Variants in TACC2 observed in about 807,000 individuals in gnomAD.
TACC2 encodes transforming acidic coiled-coil-containing protein 2.
A neutral mutation model predicts 227.3 loss-of-function variants in TACC2; 137 were observed. The observed-to-expected ratio is 0.60, with a 90% CI of 0.52 to 0.69. The LOEUF (loss-of-function observed/expected upper bound fraction) is 0.69. Ranked by LOEUF, TACC2 falls within the 30% of genes least tolerant of loss-of-function variation. TACC2 has a pLI of 0.00. For missense variants in TACC2, 3,470 were observed against 3,694.4 expected (o/e 0.94, Z 1.57); for synonymous variants, 1,523 against 1,487.5 (o/e 1.02, Z -0.55).
intron 11 of TACC2, among the ~76,000 whole-genome samples, chr10:122,217,817 G>A (rs541218433): frequency 3.9e-4 from 60 of 152,152 alleles, no homozygotes; most frequent in African/African-American, 1.4e-3. Context: ...TGACCTGTTG[G>A]TGCACCACGT....
intron 16 of TACC2, among the ~76,000 whole-genome samples, chr10:122,231,145 G>T (rs545198850): frequency 1.3e-5 from 2 of 152,208 alleles, no homozygotes; most frequent in Non-Finnish European, 2.9e-5. Flanking sequence ...GTATGACATT[G>T]ACAGGGCATG....
rs1189702146 is a variant in TACC2 at position 122,086,182 on chromosome 10, C to G, written c.3682C>G (p.Pro1228Ala). 1.2e-6 allele frequency: 2 copies of G among 1,613,676 alleles called. No individual in the cohort carries two copies. The highest frequency in any genetic ancestry group is 2.7e-5 in the African/African-American group (2 of 74,924). Residue 1228 changes from proline (P) to alanine (A), a missense_variant, in exon 4 of 23, where the codon CCA (proline) becomes GCA (alanine). By Grantham distance (27) the Pro-to-Ala change is conservative. Around this residue, in one of 10 missense-constraint regions of TACC2, gnomAD observed 1,924 missense variants for 1,978.3 expected, o/e 0.97. Transcript: ENST00000369005. Reference protein sequence around the residue: ...DPKELLLSGPPEVAAPDTPYL... With the variant: ...DPKELLLSGPAEVAAPDTPYL... The stretch of plus-strand genomic sequence containing the variant: ...AAAGGAGCTCCTGCTGTCTGGGCCA[C>G]CAGAAGTGGCTGCTCCTGACACCCC...
rs199695334 is a variant in TACC2, at chr10:122,059,571, T to C, written c.146+9021T>C. On this transcript the variant is annotated intron_variant, in intron 3 of 22. Coordinates refer to ENST00000369005, the MANE Select transcript of TACC2 (RefSeq NM_206862.4). ...CTCCTGTTCTCTCCTCTTTTTTTTTTCCAACATATATTTACTGGGCAGCCA... is the reference window on the plus strand; with the variant it reads ...CTCCTGTTCTCTCCTCTTTTTTTTTCCCAACATATATTTACTGGGCAGCCA... 6.1e-3 allele frequency among the ~76,000 whole-genome samples: 909 copies of C among 147,858 alleles called. 15 individuals are homozygous for C. Among genetic ancestry groups the C allele is most frequent in the African/African-American group, 0.022 (875 of 40,520 alleles).
chr10:122,242,642 T>TC (rs1437633763), intron 19 of TACC2, among the ~76,000 whole-genome samples: 1 of 152,204 alleles, frequency 6.6e-6, no homozygotes, highest in Non-Finnish European at 1.5e-5. Context: ...GGCCTTTTTT[T>TC]CTTTTCTTTT....
chr10:121,997,333 C>T (rs956433456), intron 1 of TACC2, among the ~76,000 whole-genome samples: 33 of 152,262 alleles, frequency 2.2e-4, no homozygotes, highest in Admixed American at 1.4e-3. Flanking sequence ...GATCTTACCC[C>T]GCCTCTCCCT....
chr10:122,115,110 C>A (rs2084397932), intron 5 of TACC2, among the ~76,000 whole-genome samples: 1 of 152,204 alleles, frequency 6.6e-6, no homozygotes, highest in African/African-American at 2.4e-5. Context: ...GGCTTTGTAT[C>A]CTGGTTATTT....
intron 11 of TACC2, 105 bp from the exon 12 acceptor site, chr10:122,224,621 T>C (rs890062994): frequency 1.0e-6 from 1 of 960,710 alleles, no homozygotes; most frequent in South Asian, 1.4e-5. Flanking sequence ...CCCAGAGCCT[T>C]GTGATAGCTC....
chr10:122,245,933 C>G (rs2096106467), intron 19 of TACC2, among the ~76,000 whole-genome samples: 2 of 152,146 alleles, frequency 1.3e-5, no homozygotes, highest in Admixed American at 1.3e-4. Flanking sequence ...CGAACTCAGG[C>G]AGTTCAGAGG....
chr10:121,995,698 A>G (rs1026628196), intron 1 of TACC2, among the ~76,000 whole-genome samples: 2 of 152,202 alleles, frequency 1.3e-5, no homozygotes, highest in South Asian at 2.1e-4. Flanking sequence ...GTGGAAGGCC[A>G]AGAGGGAACA....
chr10:122,067,486 G>A (rs1427485467), intron 3 of TACC2, among the ~76,000 whole-genome samples: 1 of 146,600 alleles, frequency 6.8e-6, no homozygotes, highest in Non-Finnish European at 1.5e-5. Context: ...CCTTGGTGGT[G>A]TAGGTTTTTC....
chr10:122,049,749 A>T (rs2075469277), intron 2 of TACC2, among the ~76,000 whole-genome samples: 1 of 151,874 alleles, frequency 6.6e-6, no homozygotes, highest in Non-Finnish European at 1.5e-5. Context: ...TTTAATTTTA[A>T]ATCTCATCTC....
At chr10:122,025,601 T>G (rs1957896522) in intron 2 of TACC2, among the ~76,000 whole-genome samples, 1 of 145,162 alleles carries the variant, frequency 6.9e-6, no homozygotes. Flanking sequence ...TGAGATGGAG[T>G]CTTGCTCTGT....
chr10:122,182,710 G>C (rs765193954), intron 7 of TACC2, among the ~76,000 whole-genome samples: 3 of 152,208 alleles, frequency 2.0e-5, no homozygotes, highest in Non-Finnish European at 2.9e-5. Context: ...GAATAAGCGG[G>C]ATTCTCATCA....
chr10:122,204,880 C>A (rs2095052312), intron 8 of TACC2, among the ~76,000 whole-genome samples: 1 of 151,892 alleles, frequency 6.6e-6, no homozygotes. Flanking sequence ...AGGATCAGCC[C>A]AGGGCTGCTG....
intron 7 of TACC2, among the ~76,000 whole-genome samples, chr10:122,169,373 A>C (rs1280697891): frequency 6.6e-6 from 1 of 152,178 alleles, no homozygotes; most frequent in Non-Finnish European, 1.5e-5. Context: ...ATAGATAAGG[A>C]AACTGAGTCC....
intron 9 of TACC2, among the ~76,000 whole-genome samples, chr10:122,212,660 G>A (rs2095320084): frequency 6.6e-6 from 1 of 152,216 alleles, no homozygotes. Context: ...GAAAGAGACA[G>A]AACGACATGT....
At chr10:122,163,709 G>T in intron 7 of TACC2, 2 of 1,126,362 alleles carry the variant, frequency 1.8e-6, no homozygotes, top group Non-Finnish European at 2.2e-6. Context: ...ACACTCGCGC[G>T]CACACATACG....
chr10:122,078,025 T>C (rs7921093), intron 3 of TACC2, among the ~76,000 whole-genome samples: 61,544 of 151,310 alleles, frequency 0.41, 13,088 homozygotes, highest in Non-Finnish European at 0.49. Flanking sequence ...TGAAATCCCA[T>C]CTCTACTAAA....
chr10:122,001,793 T>A (rs1462833161), intron 1 of TACC2, among the ~76,000 whole-genome samples: 1 of 152,222 alleles, frequency 6.6e-6, no homozygotes, highest in Non-Finnish European at 1.5e-5. Context: ...ATTTCTCCTA[T>A]ATCCTCCACC....
Sources: allele counts gnomAD v4.1 joint callset (sites outside exome capture counted in the v4.1 genomes callset), GRCh38; gene constraint gnomAD v4.1.1; regional missense constraint gnomAD v4.1.1; transcripts MANE v1.5; gene names NCBI Gene and HGNC (gene_info 2026-07-23, HGNC 2026-07-21).